The following ANKRD6 variants were observed in gnomAD, a reference collection of about 807,000 sequenced individuals.
ANKRD6 encodes the protein ankyrin repeat domain 6.
A neutral mutation model predicts 82.3 loss-of-function variants in ANKRD6; 56 were observed. The ratio of observed to expected loss-of-function variants is 0.68; its 90% CI spans 0.55 to 0.85. The LOEUF is 0.85. ANKRD6 is among the 40% of genes least tolerant of loss of function. ANKRD6 has a pLI of 0.00. For synonymous variants in ANKRD6, 347 were observed against 352.1 expected (o/e 0.99, Z 0.16); for missense variants, 852 against 907.6 (o/e 0.94, Z 0.79).
intron 1 of ANKRD6, among the ~76,000 whole-genome samples, chr6:89,467,517 A>T (rs1467061879): frequency 1.3e-5 from 2 of 152,126 alleles, no homozygotes; most frequent in Admixed American, 6.6e-5. Context: ...TAGTATTTTA[A>T]CTCTTAACAG....
intron 1 of ANKRD6, among the ~76,000 whole-genome samples, chr6:89,448,573 G>T (rs925474559): frequency 6.6e-6 from 1 of 152,104 alleles, no homozygotes; most frequent in Non-Finnish European, 1.5e-5. Flanking sequence ...CTACTGCTTA[G>T]AAAACAAGAT....
At chr6:89,571,254 C>T (rs972070845) in intron 2 of ANKRD6, among the ~76,000 whole-genome samples, 9 of 151,946 alleles carry the variant, frequency 5.9e-5, no homozygotes, top group African/African-American at 1.9e-4. Context: ...AAGGTTTCAC[C>T]GTGTTAGCCA....
At chr6:89,494,870 G>A (rs1188451173) in intron 1 of ANKRD6, among the ~76,000 whole-genome samples, 1 of 152,182 alleles carries the variant, frequency 6.6e-6, no homozygotes, top group African/African-American at 2.4e-5. Flanking sequence ...GAGAATTTTA[G>A]ATCAGTCACT....
Position 89,606,020 on chromosome 6 carries a change from C to T in ANKRD6, c.332C>T (p.Ala111Val). 6.3e-7 allele frequency: 1 copy of T among 1,595,018 alleles called. No homozygotes were observed. The highest frequency in any genetic ancestry group is 1.1e-5 in the South Asian group (1 of 87,246). Residue 111 changes from alanine (A) to valine (V), a missense_variant, in exon 5 of 16, where the codon GCC becomes GTC. Transcript: ENST00000339746. ...TGTCTTCCTTAGGATGGGAATACAG[C>T]CTTGCATGAAGCATCCTGGCATGGT... ...LDRQDKDGNT[A>V]LHEASWHGFS...
chr6:89,446,085 G>A (rs1040265023), intron 1 of ANKRD6, among the ~76,000 whole-genome samples: 9 of 152,028 alleles, frequency 5.9e-5, no homozygotes, highest in Non-Finnish European at 1.2e-4. Context: ...GGGCACAGTG[G>A]CTCATGCCTG....
intron 1 of ANKRD6, among the ~76,000 whole-genome samples, chr6:89,476,813 G>A (rs1273293249): frequency 1.3e-5 from 2 of 152,114 alleles, no homozygotes; most frequent in Non-Finnish European, 2.9e-5. Context: ...TTTCCTTCCT[G>A]TCTTTTCTTA....
intron 1 of ANKRD6, among the ~76,000 whole-genome samples, chr6:89,566,593 T>C (rs1788588896): frequency 2.0e-5 from 3 of 152,200 alleles, no homozygotes; most frequent in African/African-American, 7.2e-5. Context: ...GCCATACTCC[T>C]CCGGAGGATG....
In ANKRD6 at chr6:89,490,040, A is replaced by G. The variant is rs140074918; in HGVS notation, c.-144+56665A>G. Among the ~76,000 whole-genome samples the G allele has an allele frequency of 1.9e-3, 292 of 152,280 alleles. 1 individual carries two copies. The highest frequency in any genetic ancestry group is 3.7e-3 in the Non-Finnish European group (254 of 68,016). ...CAGACAACATGACTAATTGTATGCT[A>G]CCCAAGAGTCACCTTTTATTTTTTC... On this transcript the variant is annotated intron_variant, in intron 1 of 15. Coordinates refer to ENST00000339746, the MANE Select transcript of ANKRD6 (RefSeq NM_001242809.2).
chr6:89,451,382 C>G (rs533684453), intron 1 of ANKRD6, among the ~76,000 whole-genome samples: 28 of 152,226 alleles, frequency 1.8e-4, no homozygotes, highest in African/African-American at 6.3e-4. Flanking sequence ...GGTAGAAATA[C>G]CTTTGTGGAC....
At chr6:89,542,119 G>C (rs572927770) in intron 1 of ANKRD6, among the ~76,000 whole-genome samples, 1 of 152,122 alleles carries the variant, frequency 6.6e-6, no homozygotes, top group East Asian at 1.9e-4. Context: ...AATAGTGACA[G>C]GTTAGAACTA....
In ANKRD6 at chr6:89,598,091, A is replaced by C. The variant is rs1054295663; in HGVS notation, c.219+2077A>C. On this transcript the variant is annotated intron_variant, in intron 3 of 15. Transcript: ENST00000339746. ...ATTTACTCCTAACTTCATATTCTAC[A>C]GATACTGATCTTTATGGCATGGTAA... 5.1e-6 allele frequency: 5 copies of C among 984,884 alleles called. No individual in the cohort carries two copies. The African/African-American group carries it at 8.7e-5, about 17-fold the overall frequency. The allele number at this position is 984,884 out of a possible 1,614,324, so 61.0% of individuals were successfully genotyped here. A position where few individuals can be genotyped will look rare whatever the true frequency, so the allele number is the denominator to read the frequency against.
chr6:89,444,145 A>C (rs1045831200), intron 1 of ANKRD6, among the ~76,000 whole-genome samples: 2 of 152,250 alleles, frequency 1.3e-5, no homozygotes, highest in Non-Finnish European at 2.9e-5. Context: ...ACCTAAGTCC[A>C]GGCACTTTAA....
intron 2 of ANKRD6, among the ~76,000 whole-genome samples, chr6:89,593,615 T>G (rs1795312096): frequency 6.6e-6 from 1 of 152,216 alleles, no homozygotes; most frequent in Non-Finnish European, 1.5e-5. Flanking sequence ...TATCTCTGTT[T>G]TCCTCCATGG....
At chr6:89,612,650 A>G (rs1249626918) in intron 6 of ANKRD6, among the ~76,000 whole-genome samples, 1 of 152,204 alleles carries the variant, frequency 6.6e-6, no homozygotes, top group Non-Finnish European at 1.5e-5. Context: ...CTGGCCAATT[A>G]CAGACTAGGA....
chr6:89,549,227 A>G lies in ANKRD6; in HGVS notation c.-143-17607A>G, dbSNP rs566593974. 1.1e-4 allele frequency among the ~76,000 whole-genome samples: 16 copies of G among 152,208 alleles called. No individual in the cohort carries two copies. In the East Asian group the frequency reaches 3.1e-3, roughly 29 times the overall value. Reference sequence around the variant, plus strand: ...TCTGTCTCCAAAAAAAGAAAAAAGGAAAAAGTTTAATTGCCATTGTAATAA... The same window carrying G: ...TCTGTCTCCAAAAAAAGAAAAAAGGGAAAAGTTTAATTGCCATTGTAATAA... On this transcript the variant is annotated intron_variant, in intron 1 of 15. Coordinates refer to ENST00000339746, the MANE Select transcript of ANKRD6 (RefSeq NM_001242809.2).
chr6:89,545,406 C>T (rs1163173198), intron 1 of ANKRD6, among the ~76,000 whole-genome samples: 1 of 152,078 alleles, frequency 6.6e-6, no homozygotes, highest in Non-Finnish European at 1.5e-5. Flanking sequence ...TAGTCCCACT[C>T]TTTGGTGTCA....
chr6:89,577,168 C>T (rs951381784), intron 2 of ANKRD6, among the ~76,000 whole-genome samples: 1 of 151,764 alleles, frequency 6.6e-6, no homozygotes, highest in Non-Finnish European at 1.5e-5. Flanking sequence ...TTTATCAGTA[C>T]GAGGGAGCCC....
chr6:89,611,315 C>T (rs1483717726), intron 5 of ANKRD6, among the ~76,000 whole-genome samples: 1 of 152,052 alleles, frequency 6.6e-6, no homozygotes, highest in Non-Finnish European at 1.5e-5. Context: ...TGCTCTGAGC[C>T]CACGCACCTG....
chr6:89,581,896 G>GC (rs141074873), intron 2 of ANKRD6, among the ~76,000 whole-genome samples: 14,578 of 152,256 alleles, frequency 0.096, 945 homozygotes, highest in Middle Eastern at 0.17. Context: ...ACTGTGTGGA[G>GC]CAGGTGTCTT....
Sources: gnomAD v4.1 joint callset for allele counts (sites outside exome capture counted in the v4.1 genomes callset) on GRCh38, gnomAD v4.1.1 for gene constraint, MANE v1.5 for transcripts, NCBI Gene and HGNC (gene_info 2026-07-23, HGNC 2026-07-21) for gene names.